Variants in RSF1 observed in about 807,000 individuals in gnomAD.
The protein encoded by RSF1 is remodeling and spacing factor 1, also known as HBV pX-associated protein 8.
In RSF1, 13 loss-of-function variants were observed where a neutral mutation model predicts 145.2. That is an observed-to-expected ratio of 0.09 (90% CI 0.06 to 0.14). The LOEUF (loss-of-function observed/expected upper bound fraction) is 0.14. Among genes scored for constraint, RSF1 ranks in the 10% least tolerant of loss-of-function variants. The pLI, the probability that RSF1 is intolerant of heterozygous loss-of-function variation, is 1.00. For synonymous variants in RSF1, 577 were observed against 592.6 expected, an observed-to-expected ratio of 0.97 and a Z score of 0.38; for missense variants, 1,517 against 1,718.2, an observed-to-expected ratio of 0.88 and a Z score of 2.07.
At chr11:77,744,774 G>C (rs565921619) in intron 3 of RSF1, among the ~76,000 whole-genome samples, 1 of 152,164 alleles carries the variant, frequency 6.6e-6, no homozygotes, top group Non-Finnish European at 1.5e-5. Flanking sequence ...TTCTTATAGT[G>C]TTTGTGTCCA....
chr11:77,784,992 G>A (rs1948440397), intron 1 of RSF1, among the ~76,000 whole-genome samples: 1 of 152,198 alleles, frequency 6.6e-6, no homozygotes, highest in Non-Finnish European at 1.5e-5. Flanking sequence ...GCAACTTCTA[G>A]CTGCCTAAGC....
intron 1 of RSF1, among the ~76,000 whole-genome samples, chr11:77,771,949 C>A (rs1464543880): frequency 6.6e-6 from 1 of 152,148 alleles, no homozygotes; most frequent in Non-Finnish European, 1.5e-5. Flanking sequence ...AAATTTAGAA[C>A]TTTTCTAAAA....
chr11:77,716,146 G>C (rs932991653), intron 5 of RSF1, among the ~76,000 whole-genome samples: 2 of 151,394 alleles, frequency 1.3e-5, no homozygotes, highest in African/African-American at 4.9e-5. Context: ...AAAAAAAAAA[G>C]AAAGAGAATC....
chr11:77,817,463 T>G (rs1281427433), intron 1 of RSF1, among the ~76,000 whole-genome samples: 1 of 152,186 alleles, frequency 6.6e-6, no homozygotes, highest in Non-Finnish European at 1.5e-5. Context: ...CCATGAAGTA[T>G]GTCAAGGCAG....
chr11:77,829,174 A>G, the RSF1 span, among the ~76,000 whole-genome samples: 1 of 148,686 alleles, frequency 6.7e-6, no homozygotes, highest in Non-Finnish European at 1.5e-5. Flanking sequence ...TTTTATAAGA[A>G]CAGAAATAGA....
chr11:77,700,181 C>T (rs1960380877), intron 6 of RSF1, among the ~76,000 whole-genome samples: 3 of 151,546 alleles, frequency 2.0e-5, no homozygotes, highest in East Asian at 1.9e-4. Flanking sequence ...CGAAAACCCA[C>T]CTCTATTAAA....
At chr11:77,798,581 TAAAAAAAAAAAAAAAAAAAAA>T (rs543236647) in intron 1 of RSF1, among the ~76,000 whole-genome samples, 982 of 24,496 alleles carry the variant, frequency 0.04, 50 homozygotes, top group African/African-American at 0.11. Context: ...GACTCCATCT[TAAAAAAAAAAAAAAAAAAAAA>T]AAAAAAAAAA....
At chr11:77,804,507 A>G (rs1008293220) in intron 1 of RSF1, among the ~76,000 whole-genome samples, 1 of 152,194 alleles carries the variant, frequency 6.6e-6, no homozygotes, top group Non-Finnish European at 1.5e-5. Flanking sequence ...CTTATAGCTC[A>G]AATAATATTA....
chr11:77,703,775 G>A (rs1441073470), intron 5 of RSF1, among the ~76,000 whole-genome samples: 1 of 150,646 alleles, frequency 6.6e-6, no homozygotes, highest in Non-Finnish European at 1.5e-5. Context: ...CAAGAGATGA[G>A]AGTAAAAAAA....
In RSF1 at chr11:77,663,626, T is replaced by A. The variant is rs180846527; in HGVS notation, c.*3291A>T. 429 of 152,294 alleles carry A rather than the reference T, an allele frequency of 2.8e-3. 5 individuals are homozygous for A. The highest frequency in any genetic ancestry group is 9.9e-3 in the African/African-American group (413 of 41,560). The allele number at this position is 152,294 out of a possible 1,614,324, so 9.4% of individuals were successfully genotyped here. ...AAAAAGGATGTCAAGGAAATATAAC[T>A]TGATGTACATTCTTGAAAATATCTC... On this transcript the variant is annotated 3_prime_UTR_variant, in exon 16 of 16. Coordinates refer to ENST00000308488, the MANE Select transcript of RSF1 (RefSeq NM_016578.4).
intron 4 of RSF1, among the ~76,000 whole-genome samples, chr11:77,733,255 C>A (rs1961253080): frequency 6.6e-6 from 1 of 152,028 alleles, no homozygotes; most frequent in African/African-American, 2.4e-5. Flanking sequence ...TTTACTAATT[C>A]TAATGGAAGT....
chr11:77,792,565 C>T (rs760758348), intron 1 of RSF1, among the ~76,000 whole-genome samples: 3 of 152,174 alleles, frequency 2.0e-5, no homozygotes, highest in Non-Finnish European at 4.4e-5. Context: ...AGGAACACTT[C>T]ACCACAGCCT....
chr11:77,750,801 C>T (rs752326845), intron 2 of RSF1, among the ~76,000 whole-genome samples: 12 of 152,150 alleles, frequency 7.9e-5, no homozygotes, highest in Admixed American at 6.5e-4. Context: ...ACATAACATT[C>T]GTACCTATTA....
chr11:77,730,776 C>T (rs1189234296), intron 4 of RSF1, among the ~76,000 whole-genome samples: 1 of 152,208 alleles, frequency 6.6e-6, no homozygotes, highest in Non-Finnish European at 1.5e-5. Context: ...GAGTTTCCTG[C>T]ACAAGCTTTC....
chr11:77,700,573 T>C, intron 6 of RSF1, 148 bp downstream of exon 6: 1 of 575,724 alleles, frequency 1.7e-6, no homozygotes. Flanking sequence ...AGAGTATAAG[T>C]AAGAGTATAA....
chr11:77,695,824 A>AT (rs1960265017), intron 7 of RSF1, among the ~76,000 whole-genome samples: 1 of 152,206 alleles, frequency 6.6e-6, no homozygotes, highest in African/African-American at 2.4e-5. Flanking sequence ...GTATACACAT[A>AT]TATCTTTCTG....
Position 77,700,730 on chromosome 11 carries a change from T to G in RSF1, c.2499A>C (p.Lys833Asn), listed in dbSNP as rs1422138216. Reference sequence around the variant, plus strand: ...TTAAGACAAGTTTTACCTTGCTTACTTTAGAATTTGTATCTTTCTCTGATT... The same window carrying G: ...TTAAGACAAGTTTTACCTTGCTTACGTTAGAATTTGTATCTTTCTCTGATT... ...LKKSEKDTNS[K>N]VSKVKPKGKV... Residue 833 changes from lysine to asparagine, a missense_variant, in exon 6 of 16, where the codon AAA (lysine) becomes AAC (asparagine). By Grantham distance (94) the Lys-to-Asn change is moderately conservative. This residue lies in a region of RSF1 where 579 missense variants were observed against 553.5 expected (regional missense o/e 1.05). Transcript: ENST00000308488. 6.3e-7 allele frequency: 1 copy of G among 1,578,258 alleles called. No homozygotes were observed. The highest frequency in any genetic ancestry group is 8.5e-7 in the Non-Finnish European group (1 of 1,170,512).
At chr11:77,678,527 A>G (rs1959774639) in intron 11 of RSF1, among the ~76,000 whole-genome samples, 2 of 152,072 alleles carry the variant, frequency 1.3e-5, no homozygotes, top group South Asian at 4.1e-4. Flanking sequence ...TTTTATTTTT[A>G]AAGATTACCT....
At chr11:77,820,965 C>T, upstream of RSF1, 1 of 545,236 alleles carries the variant, frequency 1.8e-6, no homozygotes, top group Non-Finnish European at 3.2e-6. Flanking sequence ...GCCCCCTTCT[C>T]TCCTCCCCTT....
Sources: gnomAD v4.1 joint callset for allele counts (sites outside exome capture counted in the v4.1 genomes callset) on GRCh38, gnomAD v4.1.1 for gene constraint, gnomAD v4.1.1 regional missense constraint, MANE v1.5 for transcripts, NCBI Gene and HGNC (gene_info 2026-07-23, HGNC 2026-07-21) for gene names.